CREB5: variants seen among roughly 807,000 people sequenced by gnomAD.
CREB5 encodes cyclic AMP-responsive element-binding protein 5.
A neutral mutation model predicts 57.1 loss-of-function variants in CREB5; 19 were observed. The ratio of observed to expected loss-of-function variants is 0.33; its 90% confidence interval spans 0.23 to 0.49. The LOEUF (loss-of-function observed/expected upper bound fraction) is 0.49, where lower values mean the gene tolerates loss of function less well. Among genes scored for constraint, CREB5 ranks in the 20% least tolerant of loss-of-function variants. The probability of loss-of-function intolerance (pLI) is 0.99; values close to 1 mark genes in which losing one functional copy is unlikely to be tolerated. For missense variants in CREB5, 579 were observed against 671.6 expected (o/e 0.86, Z 1.52); for synonymous variants, 238 against 238.3 (o/e 1.00, Z 0.01).
intron 1 of CREB5, among the ~76,000 whole-genome samples, chr7:28,448,565 T>A (rs1029325989): frequency 2.6e-4 from 40 of 152,222 alleles, no homozygotes; most frequent in Non-Finnish European, 5.4e-4. Context: ...ATTTAACTAC[T>A]CTCTTCATAT....
chr7:28,353,924 G>T (rs1786288757), intron 1 of CREB5, among the ~76,000 whole-genome samples: 4 of 152,086 alleles, frequency 2.6e-5, no homozygotes. Flanking sequence ...CACAAAGGGT[G>T]ATGAAGTGGA....
intron 1 of CREB5, among the ~76,000 whole-genome samples, chr7:28,334,560 G>T (rs372530999): frequency 2.0e-5 from 3 of 152,284 alleles, no homozygotes; most frequent in South Asian, 4.1e-4. Context: ...AATTTTTCCT[G>T]TAGAGTTGCT....
intron 7 of CREB5, among the ~76,000 whole-genome samples, chr7:28,752,551 C>T (rs1444105714): frequency 1.3e-5 from 2 of 152,194 alleles, no homozygotes; most frequent in Non-Finnish European, 2.9e-5. Context: ...CGCATGGAAA[C>T]CTGAACTTAT....
chr7:28,746,421 C>T (rs1294864193), intron 7 of CREB5, among the ~76,000 whole-genome samples: 1 of 152,166 alleles, frequency 6.6e-6, no homozygotes, highest in African/African-American at 2.4e-5. Flanking sequence ...AGTGGGGTCC[C>T]TTGACCCACA....
chr7:28,673,697 G>A lies in CREB5; in HGVS notation c.465-45056G>A, dbSNP rs143702385. ...TTTTTTTTTTTTTTTGGAGACATTC[G>A]AGTCTCGCTCTGCCACCCAGGCGGG... On this transcript the variant is annotated intron_variant, in intron 5 of 10. Coordinates refer to ENST00000357727, the MANE Select transcript of CREB5 (RefSeq NM_182898.4). Among the ~76,000 whole-genome samples, 295 of 111,286 alleles carry A rather than the reference G, an allele frequency of 2.7e-3. 1 individual carries two copies. Among genetic ancestry groups the A allele is most frequent in the Non-Finnish European group, 3.4e-3 (204 of 59,926 alleles). 73.0% of individuals were successfully genotyped at this position (111,286 alleles called of 152,430 possible).
At chr7:28,778,360 C>T (rs182593359) in intron 7 of CREB5, among the ~76,000 whole-genome samples, 2 of 152,328 alleles carry the variant, frequency 1.3e-5, no homozygotes, top group East Asian at 1.9e-4. Context: ...ACTTCAAGGA[C>T]GTTTGGCACA....
intron 4 of CREB5, among the ~76,000 whole-genome samples, chr7:28,559,406 C>G (rs947424406): frequency 2.0e-5 from 3 of 152,154 alleles, no homozygotes; most frequent in Non-Finnish European, 2.9e-5. Context: ...CCTCTGCCTC[C>G]CAGGTTTAAG....
intron 5 of CREB5, among the ~76,000 whole-genome samples, chr7:28,649,219 G>A (rs1428607984): frequency 6.6e-6 from 1 of 152,226 alleles, no homozygotes; most frequent in Non-Finnish European, 1.5e-5. Context: ...CTTCAACCTA[G>A]GACAGGAATT....
At chr7:28,554,344 G>T (rs1408588274) in intron 4 of CREB5, among the ~76,000 whole-genome samples, 1 of 152,180 alleles carries the variant, frequency 6.6e-6, no homozygotes. Context: ...AGTTCTGGGT[G>T]CAGGTACTGA....
chr7:28,799,529 G>GTA (rs1808245822), intron 7 of CREB5, among the ~76,000 whole-genome samples: 1 of 152,194 alleles, frequency 6.6e-6, no homozygotes, highest in Admixed American at 6.5e-5. Flanking sequence ...TCCCTTAACA[G>GTA]TATAAGCTAA....
intron 1 of CREB5, among the ~76,000 whole-genome samples, chr7:28,305,401 C>T (rs534004957): frequency 5.9e-5 from 9 of 152,330 alleles, no homozygotes; most frequent in Middle Eastern, 3.4e-3. Flanking sequence ...TGGAGGCCAA[C>T]CCACTGTTTC....
intron 1 of CREB5, among the ~76,000 whole-genome samples, chr7:28,473,228 G>C (rs1232531312): frequency 6.6e-6 from 1 of 152,128 alleles, no homozygotes; most frequent in Non-Finnish European, 1.5e-5. Context: ...CGGCTGAGGT[G>C]AGAAGATCGT....
intron 5 of CREB5, among the ~76,000 whole-genome samples, chr7:28,699,180 T>C (rs546030018): frequency 9.1e-4 from 138 of 151,812 alleles, no homozygotes; most frequent in Non-Finnish European, 1.5e-3. Context: ...TCTTCTTCTT[T>C]TTTTTTTTTT....
chr7:28,525,518 T>C (rs1339336026), intron 4 of CREB5, among the ~76,000 whole-genome samples: 2 of 152,140 alleles, frequency 1.3e-5, no homozygotes, highest in East Asian at 3.8e-4. Flanking sequence ...ATAATAGCCA[T>C]CCTAACTGAA....
chr7:28,315,756 T>C (rs1297867103), intron 1 of CREB5, among the ~76,000 whole-genome samples: 1 of 152,210 alleles, frequency 6.6e-6, no homozygotes, highest in Non-Finnish European at 1.5e-5. Flanking sequence ...ATTAACAAGT[T>C]CTTCCTCCCT....
At chr7:28,401,458 C>T (rs554218627) in intron 1 of CREB5, among the ~76,000 whole-genome samples, 2 of 151,856 alleles carry the variant, frequency 1.3e-5, no homozygotes, top group African/African-American at 4.8e-5. Context: ...TACAGGTACG[C>T]AACGTACAGG....
intron 1 of CREB5, among the ~76,000 whole-genome samples, chr7:28,422,537 T>C (rs371140130): frequency 5.3e-5 from 8 of 152,160 alleles, no homozygotes; most frequent in African/African-American, 1.9e-4. Context: ...CAAATATTCA[T>C]GAGAAGGTTC....
chr7:28,738,263 T>C (rs1003343106), intron 7 of CREB5, among the ~76,000 whole-genome samples: 1 of 152,186 alleles, frequency 6.6e-6, no homozygotes, highest in African/African-American at 2.4e-5. Context: ...CTTTTGGCAT[T>C]ATTTTTTCCT....
chr7:28,375,917 G>GAA (rs1265245381), intron 1 of CREB5, among the ~76,000 whole-genome samples: 4 of 152,164 alleles, frequency 2.6e-5, no homozygotes, highest in Non-Finnish European at 5.9e-5. Flanking sequence ...TTACAGATGG[G>GAA]AAAACTGAGG....
Sources: gnomAD v4.1 joint callset for allele counts (sites outside exome capture counted in the v4.1 genomes callset) on GRCh38, gnomAD v4.1.1 for gene constraint, MANE v1.5 for transcripts, NCBI Gene and HGNC (gene_info 2026-07-23, HGNC 2026-07-21) for gene names.